GABRA4: variants seen among roughly 807,000 people sequenced by gnomAD.
GABRA4 encodes gamma-aminobutyric acid type A receptor subunit alpha4.
GABRA4 carries 12 observed loss-of-function variants against 49.7 expected under a neutral mutation model. That is an observed-to-expected ratio of 0.24 (90% CI 0.15 to 0.39). The LOEUF (loss-of-function observed/expected upper bound fraction) is 0.39. Among genes scored for constraint, GABRA4 ranks in the 10% least tolerant of loss-of-function variants. GABRA4 has a pLI of 1.00. For synonymous variants in GABRA4, 288 were observed against 240.2 expected (o/e 1.20, Z -1.84); for missense variants, 506 against 686.0 (o/e 0.74, Z 2.93).
chr4:46,928,253 G>A lies in GABRA4; in HGVS notation c.1637C>T (p.Thr546Ile). The change falls in exon 9 of 9, where the codon ACT becomes ATT. Residue 546 changes from threonine to isoleucine, a missense_variant. Coordinates refer to ENST00000264318, the MANE Select transcript of GABRA4 (RefSeq NM_000809.4). ...CATTAGACTTTCTGATTTCTCCATA[G>A]TGTCCTTAGATAAATAAACAACCCA... ...VYWVVYLSKD[T>I]MEKSESLM 1 of 1,611,506 alleles carries A rather than the reference G, an allele frequency of 6.2e-7. No individual in the cohort carries two copies. Among genetic ancestry groups the A allele is most frequent in the Non-Finnish European group, 8.5e-7 (1 of 1,178,908 alleles).
At position 46,928,738 on chromosome 4, in the gene GABRA4, C is replaced by T. The variant is rs888589206; in HGVS notation, c.1152G>A (p.Leu384=). ...EAPLQNTNAN[L]NMRKRTNALV... is the part of the protein sequence containing the mutation. Reference sequence around the variant, plus strand: ...AAGCATTTGTTCTTTTTCTCATGTTCAAATTGGCATTTGTATTCTGAAAAG... The same window carrying T: ...AAGCATTTGTTCTTTTTCTCATGTTTAAATTGGCATTTGTATTCTGAAAAG... Residue 384 remains leucine (L), a synonymous_variant, in exon 9 of 9, where the codon TTG becomes TTA. Transcript: ENST00000264318. 8.1e-6 allele frequency: 13 copies of T among 1,608,876 alleles called. No individual in the cohort carries two copies. Among genetic ancestry groups the T allele is most frequent in the Non-Finnish European group, 1.1e-5 (13 of 1,176,666 alleles).
chr4:46,949,726 A>C (rs1484451917), intron 8 of GABRA4, among the ~76,000 whole-genome samples: 1 of 152,166 alleles, frequency 6.6e-6, no homozygotes, highest in Non-Finnish European at 1.5e-5. Flanking sequence ...GATATTACCT[A>C]TTGCAAATGT....
chr4:46,990,989 G>A (rs1229995737), intron 2 of GABRA4, among the ~76,000 whole-genome samples: 3 of 152,134 alleles, frequency 2.0e-5, no homozygotes, highest in Non-Finnish European at 4.4e-5. Flanking sequence ...GACCAGCCTG[G>A]CCAACATGGT....
intron 2 of GABRA4, among the ~76,000 whole-genome samples, chr4:46,980,074 T>C (rs1723295439): frequency 6.6e-6 from 1 of 152,124 alleles, no homozygotes; most frequent in South Asian, 2.1e-4. Context: ...TCAAGTCACA[T>C]ATCCTCATAG....
intron 2 of GABRA4, among the ~76,000 whole-genome samples, chr4:46,985,183 A>T (rs1723488795): frequency 6.6e-6 from 1 of 152,090 alleles, no homozygotes; most frequent in Non-Finnish European, 1.5e-5. Flanking sequence ...AGCAAGTTCA[A>T]AACAATTAAA....
intron 6 of GABRA4, among the ~76,000 whole-genome samples, chr4:46,971,508 A>G (rs539774745): frequency 6.6e-6 from 1 of 151,630 alleles, no homozygotes; most frequent in South Asian, 2.1e-4. Context: ...AGTGCTTTCT[A>G]TTTTGATGGT....
At chr4:46,933,160 G>A (rs1044417379) in intron 8 of GABRA4, among the ~76,000 whole-genome samples, 6 of 152,082 alleles carry the variant, frequency 3.9e-5, no homozygotes, top group African/African-American at 1.4e-4. Flanking sequence ...TTTTATTCCA[G>A]TTTAAAAGAA....
At chr4:46,975,077 T>A (rs1420836322) in intron 5 of GABRA4, among the ~76,000 whole-genome samples, 2 of 151,990 alleles carry the variant, frequency 1.3e-5, no homozygotes, top group African/African-American at 4.8e-5. Flanking sequence ...TTCTATTATT[T>A]GGCACTCTGT....
chr4:46,959,508 A>ATG lies in GABRA4; in HGVS notation c.1134+5460_1134+5461dup, dbSNP rs1445489195. On this transcript the variant is annotated intron_variant, in intron 8 of 8. Coordinates refer to ENST00000264318, the MANE Select transcript of GABRA4 (RefSeq NM_000809.4). ...CTTGGATGTGCCATTTGCACACAGC[A>ATG]TGTGGATCATGCTGAAAAAGGAGTT... Among the ~76,000 whole-genome samples the ATG allele has an allele frequency of 2.6e-5, 4 of 151,974 alleles. No homozygotes were observed. In the East Asian group the frequency reaches 7.8e-4, roughly 29 times the overall value.
chr4:46,939,213 A>G (rs191447008), intron 8 of GABRA4, among the ~76,000 whole-genome samples: 14 of 152,180 alleles, frequency 9.2e-5, no homozygotes, highest in Admixed American at 3.9e-4. Context: ...GGTTTCTTGA[A>G]GATATTCTAA....
intron 3 of GABRA4, among the ~76,000 whole-genome samples, chr4:46,978,691 A>AAC (rs1472351165): frequency 3.7e-5 from 5 of 133,748 alleles, no homozygotes; most frequent in Non-Finnish European, 6.5e-5. Context: ...TCATCTCAAA[A>AAC]AAAAAAAAAA....
chr4:46,954,321 C>CGGAG (rs1553903927), intron 8 of GABRA4, among the ~76,000 whole-genome samples: 1 of 151,988 alleles, frequency 6.6e-6, no homozygotes, highest in Non-Finnish European at 1.5e-5. Flanking sequence ...CTTTGGGAGG[C>CGGAG]GGAGGCTGGT....
Position 46,992,810 on chromosome 4 carries a change from G to A in GABRA4, c.205+18C>T, listed in dbSNP as rs746838308. ...AGGGACAGACAGGACACACTTGCGC[G>A]TTTGAAATCGTTCATACCCCCAAAT... On this transcript the variant is annotated intron_variant, in intron 2 of 8. Transcript: ENST00000264318. The A allele has an allele frequency of 1.9e-6, 3 of 1,569,084 alleles. No homozygotes were observed. Among genetic ancestry groups the A allele is most frequent in the Middle Eastern group, 1.7e-4 (1 of 5,976 alleles).
chr4:46,987,565 T>A (rs1277643950), intron 2 of GABRA4, among the ~76,000 whole-genome samples: 2 of 152,128 alleles, frequency 1.3e-5, no homozygotes, highest in African/African-American at 4.8e-5. Flanking sequence ...AAAATAGAAA[T>A]TGAAAAGTCA....
chr4:46,929,159 T>A (rs963857759), intron 8 of GABRA4, among the ~76,000 whole-genome samples: 1 of 151,976 alleles, frequency 6.6e-6, no homozygotes, highest in Non-Finnish European at 1.5e-5. Flanking sequence ...AAGTTTTCTA[T>A]GTGTTTGTTT....
chr4:46,945,238 C>T (rs1253229812), intron 8 of GABRA4, among the ~76,000 whole-genome samples: 3 of 152,120 alleles, frequency 2.0e-5, no homozygotes, highest in Non-Finnish European at 4.4e-5. Context: ...GAATGAAATG[C>T]TTTTCCTCTC....
intron 2 of GABRA4, among the ~76,000 whole-genome samples, chr4:46,982,801 G>C (rs906262593): frequency 2.0e-5 from 3 of 151,994 alleles, no homozygotes; most frequent in Admixed American, 6.6e-5. Flanking sequence ...AGCAAAAGTA[G>C]AAGAAGGGCT....
At chr4:46,988,165 A>G (rs1357518558) in intron 2 of GABRA4, among the ~76,000 whole-genome samples, 2 of 152,188 alleles carry the variant, frequency 1.3e-5, no homozygotes, top group Admixed American at 6.5e-5. Flanking sequence ...ACTTCCAGGA[A>G]CACCAAATCT....
At chr4:46,928,932 A>C (rs976535189) in intron 8 of GABRA4, among the ~76,000 whole-genome samples, 177 bp from the exon 9 acceptor site, 1 of 152,092 alleles carries the variant, frequency 6.6e-6, no homozygotes, top group African/African-American at 2.4e-5. Flanking sequence ...TATAATGTGC[A>C]TACATTTGAA....
Sources: allele counts gnomAD v4.1 joint callset (sites outside exome capture counted in the v4.1 genomes callset), GRCh38; gene constraint gnomAD v4.1.1; transcripts MANE v1.5; gene names NCBI Gene and HGNC (gene_info 2026-07-23, HGNC 2026-07-21).